Variants in GRIA1 observed in about 807,000 individuals in gnomAD.
The protein encoded by GRIA1 is glutamate ionotropic receptor AMPA type subunit 1.
Under a neutral mutation model 99.2 loss-of-function variants are expected in GRIA1, and 31 were observed. The ratio of observed to expected loss-of-function variants is 0.31; its 90% CI spans 0.23 to 0.42. The LOEUF is 0.42. Among genes scored for constraint, GRIA1 ranks in the 10% least tolerant of loss-of-function variants. The pLI, the probability that GRIA1 is intolerant of heterozygous loss-of-function variation, is 1.00. For synonymous variants in GRIA1, 438 were observed against 432.4 expected (o/e 1.01, Z -0.16); for missense variants, 782 against 1,157.5 (o/e 0.68, Z 4.71).
At chr5:153,518,723 A>T (rs1032555484) in intron 2 of GRIA1, among the ~76,000 whole-genome samples, 2 of 152,238 alleles carry the variant, frequency 1.3e-5, no homozygotes, top group Non-Finnish European at 2.9e-5. Flanking sequence ...TATAATTGCC[A>T]CAATAAACTT....
At chr5:153,652,097 G>A (rs1436996051) in intron 4 of GRIA1, among the ~76,000 whole-genome samples, 2 of 152,178 alleles carry the variant, frequency 1.3e-5, no homozygotes, top group Non-Finnish European at 2.9e-5. Context: ...GTACAAGCAA[G>A]CATTTGCCTA....
chr5:153,516,968 C>T (rs1756682036), intron 2 of GRIA1, among the ~76,000 whole-genome samples: 1 of 152,126 alleles, frequency 6.6e-6, no homozygotes, highest in Non-Finnish European at 1.5e-5. Context: ...CTCAGCTTGG[C>T]CTTAATGGTT....
At chr5:153,620,673 T>C (rs1766953895) in intron 2 of GRIA1, among the ~76,000 whole-genome samples, 1 of 152,184 alleles carries the variant, frequency 6.6e-6, no homozygotes, top group Admixed American at 6.5e-5. Flanking sequence ...AGACTAGGGT[T>C]TTAAAATACT....
In GRIA1 at chr5:153,492,244, G is replaced by A. The variant is rs3811982; in HGVS notation, c.82+1274G>A. On this transcript the variant is annotated intron_variant, in intron 1 of 15. Transcript: ENST00000285900. ...CTTTCAGCCTCTCCAGCTAGCTGGCGGCTTGGAGTGGCCATGGAGTAACTT... is the reference window on the plus strand; with the variant it reads ...CTTTCAGCCTCTCCAGCTAGCTGGCAGCTTGGAGTGGCCATGGAGTAACTT... 7,929 of 1,535,394 alleles carry A rather than the reference G, an allele frequency of 5.2e-3. 34 individuals are homozygous for A. The highest frequency in any genetic ancestry group is 6.2e-3 in the Non-Finnish European group (7,163 of 1,146,680).
intron 11 of GRIA1, among the ~76,000 whole-genome samples, chr5:153,713,407 G>A (rs1759459438): frequency 6.6e-6 from 1 of 152,234 alleles, no homozygotes; most frequent in South Asian, 2.1e-4. Context: ...ACTGTGTGGG[G>A]GTGGCCCCCA....
chr5:153,785,329 T>C (rs528407212), intron 13 of GRIA1, among the ~76,000 whole-genome samples: 10 of 152,156 alleles, frequency 6.6e-5, no homozygotes, highest in Non-Finnish European at 1.5e-4. Context: ...TGCTCTCCCC[T>C]CTTAAGGGTA....
At chr5:153,635,930 A>C (rs1753322686) in intron 2 of GRIA1, among the ~76,000 whole-genome samples, 1 of 152,206 alleles carries the variant, frequency 6.6e-6, no homozygotes, top group African/African-American at 2.4e-5. Flanking sequence ...AAGAAGAGGA[A>C]GCCTGGAACT....
intron 11 of GRIA1, among the ~76,000 whole-genome samples, chr5:153,735,604 C>G (rs1761329315): frequency 6.6e-6 from 1 of 152,002 alleles, no homozygotes; most frequent in Admixed American, 6.6e-5. Context: ...TCTTTGGAGG[C>G]AGAAATTGGG....
chr5:153,558,217 C>A (rs542187409), intron 2 of GRIA1: 1 of 152,206 alleles, frequency 6.6e-6, no homozygotes, highest in East Asian at 1.9e-4. Flanking sequence ...ACCAAAACAT[C>A]ATTATGTGGT....
chr5:153,656,154 G>A (rs893803278), intron 5 of GRIA1, among the ~76,000 whole-genome samples: 2 of 152,002 alleles, frequency 1.3e-5, no homozygotes, highest in African/African-American at 4.8e-5. Context: ...CTGCCCCTTG[G>A]CAATAGGGAC....
chr5:153,603,384 AC>A (rs1025361266), intron 2 of GRIA1, among the ~76,000 whole-genome samples: 282 of 92,168 alleles, frequency 3.1e-3, no homozygotes, highest in South Asian at 0.017. Flanking sequence ...AATAAACATA[AC>A]GTGTGCATGT....
At chr5:153,692,108 C>T (rs1017617095) in intron 8 of GRIA1, among the ~76,000 whole-genome samples, 4 of 152,146 alleles carry the variant, frequency 2.6e-5, no homozygotes, top group African/African-American at 9.7e-5. Context: ...ATTCCTTTAC[C>T]TGGCATTTTC....
At chr5:153,656,878 C>T (rs956982885) in intron 5 of GRIA1, among the ~76,000 whole-genome samples, 4 of 152,132 alleles carry the variant, frequency 2.6e-5, no homozygotes, top group Non-Finnish European at 4.4e-5. Flanking sequence ...CTCCTCCAGC[C>T]CTAGGCAACC....
At chr5:153,780,686 T>C (rs969670193) in intron 13 of GRIA1, among the ~76,000 whole-genome samples, 4 of 152,214 alleles carry the variant, frequency 2.6e-5, no homozygotes, top group Admixed American at 2.0e-4. Context: ...AAGATTGTCT[T>C]GTGAATACAA....
intron 2 of GRIA1, among the ~76,000 whole-genome samples, chr5:153,531,350 C>T (rs988237195): frequency 1.9e-4 from 29 of 152,254 alleles, no homozygotes; most frequent in African/African-American, 7.0e-4. Flanking sequence ...TTTCAGCCCT[C>T]TACGGGCCCA....
At chr5:153,757,846 T>C (rs1385882340) in intron 11 of GRIA1, among the ~76,000 whole-genome samples, 2 of 152,100 alleles carry the variant, frequency 1.3e-5, no homozygotes, top group African/African-American at 4.8e-5. Flanking sequence ...TGTGTAACAA[T>C]AAAACATCTG....
intron 2 of GRIA1, among the ~76,000 whole-genome samples, chr5:153,516,837 G>GA (rs1164885949): frequency 6.6e-6 from 1 of 151,738 alleles, no homozygotes; most frequent in Non-Finnish European, 1.5e-5. Flanking sequence ...GGAAGGAAAA[G>GA]AAAAAAAGGA....
chr5:153,612,634 A>G (rs1259455765), intron 2 of GRIA1, among the ~76,000 whole-genome samples: 1 of 152,240 alleles, frequency 6.6e-6, no homozygotes, highest in African/African-American at 2.4e-5. Context: ...CAAATAGGGA[A>G]GTAGTTAGGA....
In GRIA1 at chr5:153,798,860, A is replaced by C. The variant is rs565070451; in HGVS notation, c.2386-3496A>C. On this transcript the variant is annotated intron_variant, in intron 14 of 15. Transcript: ENST00000285900. ...GAACAAGGAGAAATATAGGGGGGGA[A>C]ATCTCCTTTCCATATGAGGGAGACA... Among the ~76,000 whole-genome samples, 91 of 152,222 alleles carry C rather than the reference A, an allele frequency of 6.0e-4. 1 individual carries two copies. The highest frequency in any genetic ancestry group is 1.0e-3 in the South Asian group (5 of 4,816).
Sources: allele counts gnomAD v4.1 joint callset (sites outside exome capture counted in the v4.1 genomes callset), GRCh38; gene constraint gnomAD v4.1.1; transcripts MANE v1.5; gene names NCBI Gene and HGNC (gene_info 2026-07-23, HGNC 2026-07-21).